The following PTPRN2 variants were observed in gnomAD, a reference collection of about 807,000 sequenced individuals.
The protein encoded by PTPRN2 is receptor-type tyrosine-protein phosphatase N2.
A neutral mutation model predicts 118.8 loss-of-function variants in PTPRN2; 74 were observed. The observed-to-expected ratio is 0.62, with a 90% CI of 0.52 to 0.76. The LOEUF (loss-of-function observed/expected upper bound fraction) is 0.76, where lower values mean the gene tolerates loss of function less well. Ranked by LOEUF, PTPRN2 falls within the 30% of genes least tolerant of loss-of-function variation. PTPRN2 has a pLI of 0.00. For missense variants in PTPRN2, 1,481 were observed against 1,394.4 expected (o/e 1.06, Z -0.99); for synonymous variants, 641 against 608.0 (o/e 1.05, Z -0.80).
chr7:157,833,828 G>A (rs1222957717), intron 12 of PTPRN2, among the ~76,000 whole-genome samples: 2 of 152,178 alleles, frequency 1.3e-5, no homozygotes, highest in Non-Finnish European at 2.9e-5. Context: ...GGAGTAACAA[G>A]CCGCTCATTT....
At chr7:158,419,941 G>A (rs7810861) in intron 2 of PTPRN2, among the ~76,000 whole-genome samples, 71,284 of 151,964 alleles carry the variant, frequency 0.47, 17,740 homozygotes, top group East Asian at 0.8. Context: ...TGGACCCCGA[G>A]CTGTGCCTGA....
intron 12 of PTPRN2, among the ~76,000 whole-genome samples, chr7:157,851,674 G>C (rs145550530): frequency 2.3e-3 from 357 of 152,312 alleles, no homozygotes; most frequent in African/African-American, 8.2e-3. Context: ...AGTGTTTTCT[G>C]CTCTCCACAT....
chr7:158,061,864 G>A (rs1289479932), intron 11 of PTPRN2, among the ~76,000 whole-genome samples: 1 of 152,270 alleles, frequency 6.6e-6, no homozygotes. Flanking sequence ...AGTGCCTAAT[G>A]CCACTTTTTT....
At chr7:158,067,415 G>A (rs1385653108) in intron 11 of PTPRN2, among the ~76,000 whole-genome samples, 1 of 152,130 alleles carries the variant, frequency 6.6e-6, no homozygotes, top group Non-Finnish European at 1.5e-5. Context: ...AGTGGTACTC[G>A]GCTCCAGTGC....
At chr7:157,989,036 G>C (rs1214704183) in intron 11 of PTPRN2, among the ~76,000 whole-genome samples, 1 of 152,228 alleles carries the variant, frequency 6.6e-6, no homozygotes, top group East Asian at 1.9e-4. Flanking sequence ...TCTGCGCTAA[G>C]GAACTGACAT....
At chr7:157,926,579 C>T (rs2073680888) in intron 11 of PTPRN2, among the ~76,000 whole-genome samples, 2 of 152,194 alleles carry the variant, frequency 1.3e-5, no homozygotes, top group Admixed American at 6.5e-5. Context: ...GAGGGCCTTG[C>T]CCACAGCTGT....
At chr7:157,746,374 A>G (rs1800937817) in intron 12 of PTPRN2, among the ~76,000 whole-genome samples, 1 of 146,098 alleles carries the variant, frequency 6.8e-6, no homozygotes, top group African/African-American at 2.6e-5. Context: ...CGGGGCCCTG[A>G]GCAAGGAGAT....
intron 1 of PTPRN2, among the ~76,000 whole-genome samples, chr7:158,579,065 G>A (rs1252068905): frequency 6.6e-6 from 1 of 152,104 alleles, no homozygotes; most frequent in Non-Finnish European, 1.5e-5. Flanking sequence ...GCCTGGCCAA[G>A]TCCCACTTCT....
At chr7:158,021,721 C>T (rs1806887246) in intron 11 of PTPRN2, among the ~76,000 whole-genome samples, 1 of 152,046 alleles carries the variant, frequency 6.6e-6, no homozygotes, top group Non-Finnish European at 1.5e-5. Context: ...CCCTGCCCCA[C>T]CTCGATCTCT....
At chr7:157,746,393 T>TG (rs1286625839) in intron 12 of PTPRN2, among the ~76,000 whole-genome samples, 2 of 139,948 alleles carry the variant, frequency 1.4e-5, no homozygotes, top group African/African-American at 2.8e-5. Context: ...ATCACGGGAC[T>TG]CCCCGCACCC....
intron 2 of PTPRN2, among the ~76,000 whole-genome samples, chr7:158,413,382 C>T (rs114877225): frequency 0.023 from 3,539 of 152,310 alleles, 119 homozygotes; most frequent in African/African-American, 0.08. Context: ...AGCATCTGAA[C>T]CCGAATGCAC....
At position 158,139,167 on chromosome 7, in the gene PTPRN2, C is replaced by T. The variant is rs1285882376; in HGVS notation, c.911-652G>A. On this transcript the variant is annotated intron_variant, in intron 6 of 22. Coordinates refer to ENST00000389418, the MANE Select transcript of PTPRN2 (RefSeq NM_002847.5). ...CAGGAGGAGGCAGAAAAACAGAACCCGAAATTGAGAATAGGGCAGTCGATG... is the reference window on the plus strand; with the variant it reads ...CAGGAGGAGGCAGAAAAACAGAACCTGAAATTGAGAATAGGGCAGTCGATG... Among the ~76,000 whole-genome samples, 7 of 152,166 alleles carry T rather than the reference C, an allele frequency of 4.6e-5. No individual in the cohort carries two copies. The South Asian group carries it at 6.2e-4, about 14-fold the overall frequency.
intron 11 of PTPRN2, among the ~76,000 whole-genome samples, chr7:157,958,946 G>A (rs1425941737): frequency 6.6e-6 from 1 of 152,134 alleles, no homozygotes; most frequent in Non-Finnish European, 1.5e-5. Flanking sequence ...AACCAAAGCA[G>A]TCTTAAAGAA....
In PTPRN2 at chr7:157,671,002, C is replaced by T. The variant is rs1796382394; in HGVS notation, c.2001+11723G>A. Among the ~76,000 whole-genome samples the T allele has an allele frequency of 6.6e-6, 1 of 152,162 alleles. No homozygotes were observed. The highest frequency in any genetic ancestry group is 6.5e-5 in the Admixed American group (1 of 15,284). On this transcript the variant is annotated intron_variant, in intron 13 of 22. Coordinates refer to ENST00000389418, the MANE Select transcript of PTPRN2 (RefSeq NM_002847.5). The surrounding 1 kb of genome is among the most constrained non-coding windows in gnomAD (Gnocchi z 4.1). ...CATGTGCCATCCCTGTCATCACCCG[C>T]ATCTTCAGCCTGCAGCGCGTAGGGA... is the stretch of plus-strand genomic sequence containing the variant.
At chr7:158,139,360 T>C (rs922985816) in intron 6 of PTPRN2, among the ~76,000 whole-genome samples, 6 of 152,080 alleles carry the variant, frequency 3.9e-5, no homozygotes, top group African/African-American at 1.2e-4. Context: ...CGGGTGGACA[T>C]AACGGAAGAA....
chr7:157,864,411 G>T (rs993555533), intron 12 of PTPRN2: 2 of 152,326 alleles, frequency 1.3e-5, no homozygotes, highest in African/African-American at 4.8e-5. Context: ...ACCTGGGGAT[G>T]GGCTGTATTA....
At chr7:158,031,179 T>G (rs1807659081) in intron 11 of PTPRN2, 2 of 152,226 alleles carry the variant, frequency 1.3e-5, no homozygotes, top group Non-Finnish European at 1.5e-5. Flanking sequence ...CTGGGTTTTC[T>G]AAAATGTAAA....
At chr7:157,724,598 A>G (rs2150922301) in intron 12 of PTPRN2, among the ~76,000 whole-genome samples, 2 of 152,332 alleles carry the variant, frequency 1.3e-5, no homozygotes, top group East Asian at 3.9e-4. Context: ...TGAGCATCAC[A>G]GCTCAGCCCA....
chr7:157,837,673 A>G (rs1808068910), intron 12 of PTPRN2, among the ~76,000 whole-genome samples: 1 of 152,116 alleles, frequency 6.6e-6, no homozygotes, highest in African/African-American at 2.4e-5. Context: ...CAGCCCCCGC[A>G]GGGCAGGGCT....
Sources: gnomAD v4.1 joint callset for allele counts (sites outside exome capture counted in the v4.1 genomes callset) on GRCh38, gnomAD v4.1.1 for gene constraint, Gnocchi (gnomAD v3.1) non-coding constraint, MANE v1.5 for transcripts, NCBI Gene and HGNC (gene_info 2026-07-23, HGNC 2026-07-21) for gene names.